Variants in NUP98 observed in about 807,000 individuals in gnomAD.
NUP98 encodes nuclear pore complex protein Nup98-Nup96.
In NUP98, 26 loss-of-function variants were observed where a neutral mutation model predicts 191.9. That is an observed-to-expected ratio of 0.14 (90% confidence interval 0.10 to 0.19). NUP98 has a LOEUF of 0.19. Among genes scored for constraint, NUP98 ranks in the 10% least tolerant of loss-of-function variants. NUP98 has a pLI of 1.00. For missense variants in NUP98, 1,941 were observed against 2,178.8 expected, an observed-to-expected ratio of 0.89 and a Z score of 2.17; for synonymous variants, 808 against 778.4, an observed-to-expected ratio of 1.04 and a Z score of -0.63.
At chr11:3,682,423 C>A (rs1474328484) in intron 30 of NUP98, among the ~76,000 whole-genome samples, 1 of 152,096 alleles carries the variant, frequency 6.6e-6, no homozygotes, top group Non-Finnish European at 1.5e-5. Flanking sequence ...GTTGTGCTAC[C>A]CTTCCTTTCA....
intron 19 of NUP98, among the ~76,000 whole-genome samples, 181 bp downstream of exon 19, chr11:3,713,637 T>C (rs1282490560): frequency 2.0e-5 from 3 of 152,136 alleles, no homozygotes; most frequent in Non-Finnish European, 4.4e-5. Context: ...AAGGATTGCT[T>C]GAGCCCAGGA....
At chr11:3,783,653 C>T (rs577298307) in intron 1 of NUP98, among the ~76,000 whole-genome samples, 243 of 152,190 alleles carry the variant, frequency 1.6e-3, no homozygotes, top group African/African-American at 5.0e-3. Flanking sequence ...GAGCTGAGAT[C>T]GCACCATTGT....
chr11:3,711,778 T>G (rs1424557261), intron 20 of NUP98: 2 of 858,570 alleles, frequency 2.3e-6, no homozygotes, highest in Non-Finnish European at 2.9e-6. Context: ...CCCACATTTA[T>G]CATACCCTCC....
chr11:3,791,478 G>C (rs1369163090), intron 1 of NUP98, among the ~76,000 whole-genome samples: 2 of 138,094 alleles, frequency 1.4e-5, no homozygotes, highest in Non-Finnish European at 3.0e-5. Context: ...AGGTTGCAGT[G>C]AGTTGAGATC....
intron 1 of NUP98, among the ~76,000 whole-genome samples, chr11:3,783,956 T>A (rs1225181229): frequency 6.6e-6 from 1 of 152,152 alleles, no homozygotes; most frequent in African/African-American, 2.4e-5. Context: ...CTCCACAAAT[T>A]TTCCTTAAAT....
At chr11:3,688,576 C>T (rs1308333012) in intron 28 of NUP98, among the ~76,000 whole-genome samples, 2 of 151,354 alleles carry the variant, frequency 1.3e-5, no homozygotes, top group East Asian at 3.9e-4. Flanking sequence ...AGGAGGATTA[C>T]TTGAGGTCAG....
chr11:3,719,329 G>A, intron 18 of NUP98, 83 bp downstream of exon 18: 2 of 1,071,590 alleles, frequency 1.9e-6, no homozygotes, highest in Middle Eastern at 2.4e-4. Flanking sequence ...AGCTACAGAA[G>A]CATACATCTA....
chr11:3,730,309 C>A, intron 14 of NUP98, among the ~76,000 whole-genome samples: 1 of 151,952 alleles, frequency 6.6e-6, no homozygotes, highest in East Asian at 1.9e-4. Flanking sequence ...TACTGATATT[C>A]TAAGAAACAC....
chr11:3,704,329 T>C (rs1246003092), intron 22 of NUP98, among the ~76,000 whole-genome samples: 2 of 152,242 alleles, frequency 1.3e-5, no homozygotes, highest in African/African-American at 4.8e-5. Flanking sequence ...AGTTCTTTGC[T>C]GATATTAAAA....
At chr11:3,755,273 T>C (rs1017541295) in intron 10 of NUP98, among the ~76,000 whole-genome samples, 10 of 148,550 alleles carry the variant, frequency 6.7e-5, no homozygotes. Flanking sequence ...CTGGCCAACA[T>C]GTGAAACCTC....
intron 11 of NUP98, among the ~76,000 whole-genome samples, chr11:3,749,048 C>T (rs1294263390): frequency 1.3e-5 from 2 of 151,958 alleles, no homozygotes; most frequent in African/African-American, 4.8e-5. Flanking sequence ...GTGGCTCACG[C>T]CTGTAATCCC....
chr11:3,766,320 C>A (rs1309042002), intron 8 of NUP98, among the ~76,000 whole-genome samples: 1 of 152,056 alleles, frequency 6.6e-6, no homozygotes, highest in Non-Finnish European at 1.5e-5. Context: ...ACGCAGTGAA[C>A]TGAGATCATG....
chr11:3,713,632 T>C (rs1229955902), intron 19 of NUP98, among the ~76,000 whole-genome samples, 186 bp downstream of exon 19: 1 of 152,116 alleles, frequency 6.6e-6, no homozygotes, highest in Non-Finnish European at 1.5e-5. Context: ...GGCAGAAGGA[T>C]TGCTTGAGCC....
At chr11:3,735,091 T>G in intron 13 of NUP98, 100 bp downstream of exon 13, 1 of 1,069,900 alleles carries the variant, frequency 9.3e-7, no homozygotes, top group Non-Finnish European at 1.3e-6. Context: ...ACACCTAGCT[T>G]TGCTTAATCC....
intron 4 of NUP98, among the ~76,000 whole-genome samples, chr11:3,777,734 G>C (rs2081793780): frequency 6.6e-6 from 1 of 151,602 alleles, no homozygotes; most frequent in Admixed American, 6.6e-5. Flanking sequence ...CCAGGTTAAA[G>C]AGTACTATGA....
At chr11:3,693,193 C>T (rs750735970) in intron 27 of NUP98, 39 bp downstream of exon 27, 24 of 1,608,860 alleles carry the variant, frequency 1.5e-5, no homozygotes, top group Non-Finnish European at 2.0e-5. Context: ...ACTTTAACAC[C>T]CAGCAAGATT....
At chr11:3,677,410 G>GTTT (rs372075323) in intron 31 of NUP98, among the ~76,000 whole-genome samples, 2,713 of 130,530 alleles carry the variant, frequency 0.021, 55 homozygotes, top group Non-Finnish European at 0.03. Context: ...TGTAACATAG[G>GTTT]TTTTTTTTTT....
At chr11:3,706,329 C>T in intron 21 of NUP98, 116 bp downstream of exon 21, 1 of 913,430 alleles carries the variant, frequency 1.1e-6, no homozygotes, top group South Asian at 1.6e-5. Context: ...TTTTTTTTCC[C>T]CATTACAGTG....
chr11:3,789,192 T>C (rs1337913743), intron 1 of NUP98, among the ~76,000 whole-genome samples: 1 of 152,148 alleles, frequency 6.6e-6, no homozygotes, highest in Non-Finnish European at 1.5e-5. Context: ...CAGCATTTTG[T>C]TTATTTTTCA....
Sources: gnomAD v4.1 joint callset for allele counts (sites outside exome capture counted in the v4.1 genomes callset) on GRCh38, gnomAD v4.1.1 for gene constraint, MANE v1.5 for transcripts, NCBI Gene and HGNC (gene_info 2026-07-23, HGNC 2026-07-21) for gene names.